Variants in HFM1 observed in about 807,000 individuals in gnomAD.
HFM1 encodes probable ATP-dependent DNA helicase HFM1.
A neutral mutation model predicts 192.1 loss-of-function variants in HFM1; 169 were observed. That is an observed-to-expected ratio of 0.88 (90% CI 0.78 to 1.00). HFM1 has a LOEUF of 1.00. Ranked by LOEUF, HFM1 falls within the 50% of genes least tolerant of loss-of-function variation. The pLI, the probability that HFM1 is intolerant of heterozygous loss-of-function variation, is 0.00. For synonymous variants in HFM1, 525 were observed against 537.8 expected, an observed-to-expected ratio of 0.98 and a Z score of 0.33; for missense variants, 1,661 against 1,668.0, an observed-to-expected ratio of 1.00 and a Z score of 0.07.
chr1:91,354,795 G>C (rs1657493877), intron 13 of HFM1, among the ~76,000 whole-genome samples: 1 of 152,066 alleles, frequency 6.6e-6, no homozygotes, highest in Non-Finnish European at 1.5e-5. Flanking sequence ...ATAAATAAAA[G>C]CTGAAGAAAT....
intron 20 of HFM1, chr1:91,328,850 A>G (rs140840440): frequency 0.012 from 19,944 of 1,611,156 alleles, 173 homozygotes; most frequent in Middle Eastern, 0.014. Flanking sequence ...TGATGCACCC[A>G]TCGAGGCAGA....
At chr1:91,382,991 A>G (rs948639513) in intron 6 of HFM1, among the ~76,000 whole-genome samples, 2 of 152,226 alleles carry the variant, frequency 1.3e-5, no homozygotes, top group African/African-American at 4.8e-5. Flanking sequence ...TTTAAAGAGA[A>G]TAAGAAAATA....
chr1:91,328,492 A>G lies in HFM1; in HGVS notation c.2336-3726T>C. On this transcript the variant is annotated intron_variant, in intron 20 of 38. Transcript: ENST00000370425. ...TAAGGTGGCCATTGATGCCTCTATG[A>G]GCACTTATCAGTTCCTGATTGCTGT... 14 of 1,613,534 alleles carry G rather than the reference A, an allele frequency of 8.7e-6. No homozygotes were observed. The South Asian group carries it at 1.5e-4, about 18-fold the overall frequency.
rs528018673 is a variant in HFM1, at chr1:91,361,562, T to C, written c.1686-8263A>G. 2.0e-5 allele frequency among the ~76,000 whole-genome samples: 3 copies of C among 152,186 alleles called. No homozygotes were observed. In the South Asian group the frequency reaches 6.2e-4, roughly 32 times the overall value. On this transcript the variant is annotated intron_variant, in intron 13 of 38. Coordinates refer to ENST00000370425, the MANE Select transcript of HFM1 (RefSeq NM_001017975.6). ...GTTCTGGAATTGAGACAGTAATAAC[T>C]AGCTTACCAACCAAAAAAAGCCCAG...
intron 23 of HFM1, among the ~76,000 whole-genome samples, chr1:91,319,823 C>T (rs1436537620): frequency 2.6e-5 from 4 of 152,118 alleles, no homozygotes; most frequent in Admixed American, 1.3e-4. Flanking sequence ...AAAAATAATA[C>T]AATTTGTTTA....
At chr1:91,267,712 A>T in intron 35 of HFM1, 33 bp downstream of exon 35, 1 of 953,680 alleles carries the variant, frequency 1.0e-6, no homozygotes, top group Non-Finnish European at 1.6e-6. Flanking sequence ...AAGAATTCCT[A>T]ATGAAATGAT....
rs908586903 is a variant in HFM1, at chr1:91,291,573, G to A, written c.3392-14511C>T. 2.0e-5 allele frequency among the ~76,000 whole-genome samples: 3 copies of A among 152,126 alleles called. No individual in the cohort carries two copies. In the South Asian group the frequency reaches 6.2e-4, roughly 32 times the overall value. On this transcript the variant is annotated intron_variant, in intron 30 of 38. Coordinates refer to ENST00000370425, the MANE Select transcript of HFM1 (RefSeq NM_001017975.6). ...TGGCAATAATCAATAGCTTACCAAC[G>A]AAAAAGAGTCCAGGACCAGATGGAT...
At chr1:91,361,745 A>G (rs1360348071) in intron 13 of HFM1, among the ~76,000 whole-genome samples, 1 of 152,164 alleles carries the variant, frequency 6.6e-6, no homozygotes, top group Non-Finnish European at 1.5e-5. Flanking sequence ...TGGAGATACA[A>G]CAAAAAAGGA....
intron 30 of HFM1, among the ~76,000 whole-genome samples, chr1:91,289,450 T>C (rs1311535531): frequency 6.6e-6 from 1 of 152,072 alleles, no homozygotes; most frequent in Non-Finnish European, 1.5e-5. Context: ...CCTCACTTCC[T>C]AGACAGAGTG....
chr1:91,351,785 A>C, intron 16 of HFM1, 142 bp from the exon 17 acceptor site: 1 of 408,590 alleles, frequency 2.4e-6, no homozygotes, highest in African/African-American at 2.1e-5. Context: ...AAATGCTCTC[A>C]TTTTTTTAAC....
intron 30 of HFM1, among the ~76,000 whole-genome samples, chr1:91,289,815 G>C (rs1236957026): frequency 6.6e-6 from 1 of 152,124 alleles, no homozygotes; most frequent in Non-Finnish European, 1.5e-5. Flanking sequence ...CGGCAGCACA[G>C]TCCAGCCTCA....
chr1:91,305,542 A>G (rs560904876), intron 30 of HFM1, among the ~76,000 whole-genome samples: 3 of 152,228 alleles, frequency 2.0e-5, no homozygotes, highest in Admixed American at 6.5e-5. Context: ...CATGTTGCTT[A>G]GAAATAATGA....
chr1:91,302,417 A>C (rs56110253), intron 30 of HFM1, among the ~76,000 whole-genome samples: 29,961 of 151,918 alleles, frequency 0.2, 3,376 homozygotes, highest in Non-Finnish European at 0.26. Context: ...ATTTGACCCA[A>C]CAATCCCATT....
chr1:91,345,672 T>C (rs1656035788), intron 19 of HFM1, among the ~76,000 whole-genome samples: 1 of 152,150 alleles, frequency 6.6e-6, no homozygotes, highest in African/African-American at 2.4e-5. Context: ...AAAGTCACTC[T>C]GATCTTTCCC....
At chr1:91,292,900 A>G (rs569238018) in intron 30 of HFM1, among the ~76,000 whole-genome samples, 11 of 152,258 alleles carry the variant, frequency 7.2e-5, no homozygotes, top group African/African-American at 2.4e-4. Flanking sequence ...ATAACGCCAC[A>G]TATCTACAAC....
chr1:91,404,205 C>T (rs537414642), intron 1 of HFM1, among the ~76,000 whole-genome samples: 9 of 152,342 alleles, frequency 5.9e-5, no homozygotes, highest in Non-Finnish European at 1.2e-4. Flanking sequence ...CAGGCACCAA[C>T]AGGGCTGGCT....
At chr1:91,400,853 G>C (rs1664229307) in intron 2 of HFM1, among the ~76,000 whole-genome samples, 159 bp downstream of exon 2, 1 of 152,146 alleles carries the variant, frequency 6.6e-6, no homozygotes. Context: ...TATACTACTG[G>C]TAAGAGAATT....
intron 35 of HFM1, among the ~76,000 whole-genome samples, 188 bp downstream of exon 35, chr1:91,267,557 C>T (rs543070694): frequency 2.6e-5 from 4 of 151,880 alleles, no homozygotes; most frequent in African/African-American, 7.3e-5. Flanking sequence ...GATCTCTGTT[C>T]TTAGGGGGGA....
At chr1:91,329,131 A>C (rs1438095179) in intron 20 of HFM1, 4 of 1,609,756 alleles carry the variant, frequency 2.5e-6, no homozygotes, top group Non-Finnish European at 3.4e-6. Flanking sequence ...CTAATCCAGA[A>C]GCACAAGAGC....
Sources: gnomAD v4.1 joint callset for allele counts (sites outside exome capture counted in the v4.1 genomes callset) on GRCh38, gnomAD v4.1.1 for gene constraint, MANE v1.5 for transcripts, NCBI Gene and HGNC (gene_info 2026-07-23, HGNC 2026-07-21) for gene names.